PLEKHG2: variants seen among roughly 807,000 people sequenced by gnomAD.
PLEKHG2 encodes the protein pleckstrin homology and RhoGEF domain containing G2, also known as pleckstrin homology domain-containing family G member 2.
A neutral mutation model predicts 104.4 loss-of-function variants in PLEKHG2; 71 were observed. The observed-to-expected ratio is 0.68, with a 90% CI of 0.56 to 0.83. PLEKHG2 has a LOEUF of 0.83. Ranked by LOEUF, PLEKHG2 falls within the 40% of genes least tolerant of loss-of-function variation. PLEKHG2 has a pLI of 0.00. For missense variants in PLEKHG2, 1,730 were observed against 1,809.4 expected, an observed-to-expected ratio of 0.96 and a Z score of 0.80; for synonymous variants, 728 against 737.0, an observed-to-expected ratio of 0.99 and a Z score of 0.20.
In PLEKHG2 at chr19:39,417,654, G is replaced by C. The variant is rs756302976; in HGVS notation, c.844G>C (p.Asp282His). The C allele has an allele frequency of 1.9e-6, 3 of 1,612,152 alleles. No homozygotes were observed. Among genetic ancestry groups the C allele is most frequent in the Non-Finnish European group, 2.5e-6 (3 of 1,179,232 alleles). Residue 282 changes from aspartate to histidine, a missense_variant, in exon 8 of 19, where the codon GAC (aspartate) becomes CAC (histidine). Physicochemically the swap from Asp to His is moderately conservative, Grantham distance 81. Coordinates refer to ENST00000425673, the MANE Select transcript of PLEKHG2 (RefSeq NM_022835.3). ...GACAGCGGTTGCCTGGTACATCAAC[G>C]ACATGAAGCGCAAGCAGGAGCATGC... ...SMTAVAWYINDMKRKQEHAAR... is the reference protein window; with the variant it reads ...SMTAVAWYINHMKRKQEHAAR...
rs561567514 is a variant in PLEKHG2, at chr19:39,425,667, G to A, written c.*373G>A. 6 of 360,810 alleles carry A rather than the reference G, an allele frequency of 1.7e-5. No homozygotes were observed. Among genetic ancestry groups the A allele is most frequent in the South Asian group, 1.3e-4 (1 of 7,808 alleles). 22.4% of individuals were successfully genotyped at this position (360,810 alleles called of 1,614,324 possible). ...GAAAATGGACCCACTATAACTTGGC[G>A]TGTGTGTGAACTGCTTGATGCCCAT... On this transcript the variant is annotated 3_prime_UTR_variant, in exon 19 of 19. Transcript: ENST00000425673.
At position 39,416,207 on chromosome 19, in the gene PLEKHG2, G is replaced by A. The variant is rs1453325884; in HGVS notation, c.480-141G>A. On this transcript the variant is annotated intron_variant, in intron 4 of 18. Transcript: ENST00000425673. This position sits in a 1 kb window ranked among gnomAD's most constrained non-coding sequence, Gnocchi z 4.5. ...GTAGCCCTCAGAGGACCCTTCCTCC[G>A]GACATGACATCCCCTTAGGAGATGC... The A allele has an allele frequency of 1.2e-5, 10 of 804,450 alleles. No individual in the cohort carries two copies. The highest frequency in any genetic ancestry group is 2.4e-5 in the East Asian group (1 of 40,996). 49.8% of individuals were successfully genotyped at this position (804,450 alleles called of 1,614,324 possible). A position where few individuals can be genotyped will look rare whatever the true frequency, so the allele number is the denominator to read the frequency against.
At chr19:39,417,797 G>T in intron 8 of PLEKHG2, 105 bp downstream of exon 8, 1 of 1,506,784 alleles carries the variant, frequency 6.6e-7, no homozygotes, top group Non-Finnish European at 8.9e-7. Flanking sequence ...TGGAGGGTTG[G>T]CTGGGACAGC....
At position 39,415,507 on chromosome 19, in the gene PLEKHG2, C is replaced by T. The variant is rs771772777; in HGVS notation, c.479+68C>T. On this transcript the variant is annotated intron_variant, in intron 4 of 18. Transcript: ENST00000425673. This position sits in a 1 kb window ranked among gnomAD's most constrained non-coding sequence, Gnocchi z 4.6. ...AGGGTCTATTTCCTAATCCAAACCTCGGAGCTTCGTAGTGTCCTGTCCAGG... is the reference window on the plus strand; with the variant it reads ...AGGGTCTATTTCCTAATCCAAACCTTGGAGCTTCGTAGTGTCCTGTCCAGG... 44 of 1,539,626 alleles carry T rather than the reference C, an allele frequency of 2.9e-5. No homozygotes were observed. The highest frequency in any genetic ancestry group is 1.9e-4 in the Middle Eastern group (1 of 5,210).
rs1302402560 is a variant in PLEKHG2 at position 39,422,243 on chromosome 19, A to G, written c.1632A>G (p.Glu544=). The G allele has an allele frequency of 6.2e-7, 1 of 1,613,636 alleles. No individual in the cohort carries two copies. Among genetic ancestry groups the G allele is most frequent in the Non-Finnish European group, 8.5e-7 (1 of 1,179,866 alleles). The change falls in exon 17 of 19, where the codon GAA becomes GAG. Residue 544 remains glutamate (E), a synonymous_variant. Transcript: ENST00000425673. ...ACCCCTCTGGGACCTCAATCACTGA[A>G]GAAATCCTGGAACTGCTGAATCAGC... ...TLDPSGTSIT[E]EILELLNQRG...
rs2078559658 is a variant in PLEKHG2, at chr19:39,413,916, T to C, written c.-22-149T>C. 1.8e-6 allele frequency: 1 copy of C among 551,074 alleles called. No individual in the cohort carries two copies. The highest frequency in any genetic ancestry group is 3.3e-6 in the Non-Finnish European group (1 of 305,278). The allele number at this position is 551,074 out of a possible 1,614,324, so 34.1% of individuals were successfully genotyped here. A position where few individuals can be genotyped will look rare whatever the true frequency, so the allele number is the denominator to read the frequency against. ...GGTTCTCTCTCCTTGTCCCCTTCTT[T>C]CTGTCACTTTGTGCCTCCCCCATTA... On this transcript the variant is annotated intron_variant, in intron 1 of 18. Transcript: ENST00000425673. This position sits in a 1 kb window ranked among gnomAD's most constrained non-coding sequence, Gnocchi z 4.5.
In PLEKHG2 at chr19:39,423,751, G is replaced by A. The variant is rs747123739; in HGVS notation, c.2618G>A (p.Gly873Glu). 1 of 1,611,792 alleles carries A rather than the reference G, an allele frequency of 6.2e-7. No homozygotes were observed. The change falls in exon 19 of 19, where the codon GGA becomes GAA. Residue 873 changes from glycine (G) to glutamate (E), a missense_variant. By Grantham distance (98) the Gly-to-Glu change is moderately conservative. Coordinates refer to ENST00000425673, the MANE Select transcript of PLEKHG2 (RefSeq NM_022835.3). ...QAEPGLLPAF[G>E]HVLVCELAFP... is the part of the protein sequence containing the mutation. Reference sequence around the variant, plus strand: ...CATTCAGGGCTCCTGCCTGCCTTTGGACACGTGCTGGTATGTGAGCTGGCC... The same window carrying A: ...CATTCAGGGCTCCTGCCTGCCTTTGAACACGTGCTGGTATGTGAGCTGGCC...
In PLEKHG2 at chr19:39,427,060, C is replaced by T. The variant is rs1224685584; in HGVS notation, c.*1766C>T. The T allele has an allele frequency of 6.6e-6, 1 of 152,256 alleles. No homozygotes were observed. The highest frequency in any genetic ancestry group is 1.5e-5 in the Non-Finnish European group (1 of 68,192). 9.4% of individuals were successfully genotyped at this position (152,256 alleles called of 1,614,324 possible). The stretch of plus-strand genomic sequence containing the variant: ...TTTGTTTTTGAGACAGAGTCTCGCT[C>T]TGTTGCCCAGGCTGGAGTACAGTGG... On this transcript the variant is annotated 3_prime_UTR_variant, in exon 19 of 19. Coordinates refer to ENST00000425673, the MANE Select transcript of PLEKHG2 (RefSeq NM_022835.3).
At position 39,417,018 on chromosome 19, in the gene PLEKHG2, G is replaced by A. The variant is rs368796640; in HGVS notation, c.744+18G>A. 69 of 1,586,284 alleles carry A rather than the reference G, an allele frequency of 4.3e-5. No individual in the cohort carries two copies. The Middle Eastern group carries it at 5.0e-4, about 12-fold the overall frequency. On this transcript the variant is annotated intron_variant, in intron 7 of 18. Coordinates refer to ENST00000425673, the MANE Select transcript of PLEKHG2 (RefSeq NM_022835.3). ...TGCTGCAGGTCAGCTGGGGCCCCTGGAGCCAGGCTGGGGAGGGGGAGGTCC... is the reference window on the plus strand; with the variant it reads ...TGCTGCAGGTCAGCTGGGGCCCCTGAAGCCAGGCTGGGGAGGGGGAGGTCC...
rs977299124 is a variant in PLEKHG2 at position 39,416,943 on chromosome 19, G to A, written c.687G>A (p.Leu229=). 6.2e-7 allele frequency: 1 copy of A among 1,613,444 alleles called. No individual in the cohort carries two copies. The highest frequency in any genetic ancestry group is 8.5e-7 in the Non-Finnish European group (1 of 1,179,934). The change falls in exon 7 of 19, where the codon CTG becomes CTA. Residue 229 remains leucine, a synonymous_variant. Coordinates refer to ENST00000425673, the MANE Select transcript of PLEKHG2 (RefSeq NM_022835.3). The surrounding 1 kb of genome is among the most constrained non-coding windows in gnomAD (Gnocchi z 4.5). ...RQAQLRHSLP[L]QSFLLKPVQR... is the part of the protein sequence containing the mutation. ...CCCAGCTTCGCCACTCGCTGCCCCT[G>A]CAGAGCTTCCTGCTGAAACCTGTCC...
rs1291965438 is a variant in PLEKHG2 at position 39,419,053 on chromosome 19, CCCCCAATAGTACTAAGAGACGCCCCTG to C, written c.1263+54_1263+80del. On this transcript the variant is annotated intron_variant, in intron 11 of 18. Transcript: ENST00000425673. ...GCCCTCTGAGTGCTGGAGACACCCT[CCCCCAATAGTACTAAGAGACGCCCCTG>C]CCCAATGCCAGAGCAGTCTGTTATA... is the stretch of plus-strand genomic sequence containing the variant. 10 of 1,505,724 alleles carry C rather than the reference CCCCCAATAGTACTAAGAGACGCCCCTG, an allele frequency of 6.6e-6. No individual in the cohort carries two copies. In the African/African-American group the frequency reaches 1.4e-4, roughly 21 times the overall value. The allele number at this position is 1,505,724 out of a possible 1,614,324, so 93.3% of individuals were successfully genotyped here.
intron 13 of PLEKHG2, 22 bp from the exon 14 acceptor site, chr19:39,420,927 G>A (rs780952501): frequency 6.2e-7 from 1 of 1,613,990 alleles, no homozygotes; most frequent in East Asian, 2.2e-5. Flanking sequence ...CTCACACAGG[G>A]CTCTGGCCCT....
At position 39,421,072 on chromosome 19, in the gene PLEKHG2, C is replaced by A. The variant is rs1257423286; in HGVS notation, c.1448-3C>A. On this transcript the variant is annotated splice_polypyrimidine_tract_variant and splice_region_variant and intron_variant, in intron 14 of 18. Transcript: ENST00000425673. The stretch of plus-strand genomic sequence containing the variant: ...TCCTGACATCACTGTGTCCTCCCCG[C>A]AGAGCCGGTGAAGGACCCTTATGTC... 4 of 1,614,062 alleles carry A rather than the reference C, an allele frequency of 2.5e-6. No homozygotes were observed. In the South Asian group the frequency reaches 4.4e-5, roughly 18 times the overall value.
At chr19:39,420,145 A>G (rs1262257877) in intron 11 of PLEKHG2, among the ~76,000 whole-genome samples, 1 of 152,126 alleles carries the variant, frequency 6.6e-6, no homozygotes, top group African/African-American at 2.4e-5. Context: ...GGATCACCTG[A>G]GGTTAGGAGT....
intron 11 of PLEKHG2, among the ~76,000 whole-genome samples, chr19:39,419,645 A>G (rs2078665335): frequency 6.6e-6 from 1 of 152,170 alleles, no homozygotes; most frequent in Non-Finnish European, 1.5e-5. Context: ...TGGGAGGCCG[A>G]GGCGGGCGGA....
Position 39,415,151 on chromosome 19 carries a change from C to T in PLEKHG2, c.269C>T (p.Ser90Phe). The T allele has an allele frequency of 1.9e-6, 3 of 1,599,962 alleles. No homozygotes were observed. Among genetic ancestry groups the T allele is most frequent in the East Asian group, 2.3e-5 (1 of 44,074 alleles). Reference sequence around the variant, plus strand: ...GGGCCTCCCATCCGCCTACATCTCTCTCCGGTGGGGATCCCAGGTTCAGCC... The same window carrying T: ...GGGCCTCCCATCCGCCTACATCTCTTTCCGGTGGGGATCCCAGGTTCAGCC... ...LPGPPIRLHL[S>F]PVGIPGSARP... is the part of the protein sequence containing the mutation. The change falls in exon 3 of 19, where the codon TCT becomes TTT. Residue 90 changes from serine (S) to phenylalanine (F), a missense_variant. By Grantham distance (155) the Ser-to-Phe change is radical. Transcript: ENST00000425673. This position sits in a 1 kb window ranked among gnomAD's most constrained non-coding sequence, Gnocchi z 4.6.
rs928886410 is a variant in PLEKHG2, at chr19:39,416,037, G to A, written c.480-311G>A. ...TTTCCAAGTACCTTGACGAGGTCTC[G>A]GGATTACAGCAGGAACTTAAGATCA... On this transcript the variant is annotated intron_variant, in intron 4 of 18. Transcript: ENST00000425673. This position sits in a 1 kb window ranked among gnomAD's most constrained non-coding sequence, Gnocchi z 4.5. Among the ~76,000 whole-genome samples, 4 of 152,086 alleles carry A rather than the reference G, an allele frequency of 2.6e-5. No individual in the cohort carries two copies. The highest frequency in any genetic ancestry group is 1.9e-4 in the East Asian group (1 of 5,188).
chr19:39,424,316 C>G lies in PLEKHG2; in HGVS notation c.3183C>G (p.Ser1061=). The G allele has an allele frequency of 6.2e-7, 1 of 1,614,170 alleles. No individual in the cohort carries two copies. The highest frequency in any genetic ancestry group is 8.5e-7 in the Non-Finnish European group (1 of 1,180,026). Residue 1061 remains serine (S), a synonymous_variant, in exon 19 of 19, where the codon TCC becomes TCG. Transcript: ENST00000425673. The part of the protein sequence containing the change: ...TNIPLTKQGG[S]RDVQGPDPVC... ...TCCCACTGACAAAGCAAGGAGGTTCCAGGGATGTTCAGGGCCCAGACCCTG... is the reference window on the plus strand; with the variant it reads ...TCCCACTGACAAAGCAAGGAGGTTCGAGGGATGTTCAGGGCCCAGACCCTG...
rs2078734256 is a variant in PLEKHG2 at position 39,423,561 on chromosome 19, C to T, written c.2507C>T (p.Thr836Ile). Residue 836 changes from threonine (T) to isoleucine (I), a missense_variant, in exon 18 of 19, where the codon ACT becomes ATT. By Grantham distance (89) the Thr-to-Ile change is moderately conservative. Transcript: ENST00000425673. ...ERIQQMQRAE[T>I]RASANAPRRR... is the part of the protein sequence containing the mutation. The stretch of plus-strand genomic sequence containing the variant: ...ATCCAGCAGATGCAGCGGGCGGAGA[C>T]TCGGGCATCAGCCAATGCCCCGCGC... The T allele has an allele frequency of 1.3e-6, 2 of 1,540,042 alleles. No homozygotes were observed. Among genetic ancestry groups the T allele is most frequent in the East Asian group, 2.3e-5 (1 of 43,766 alleles).
Sources: allele counts gnomAD v4.1 joint callset (sites outside exome capture counted in the v4.1 genomes callset), GRCh38; gene constraint gnomAD v4.1.1; non-coding constraint Gnocchi (gnomAD v3.1); transcripts MANE v1.5; gene names NCBI Gene and HGNC (gene_info 2026-07-23, HGNC 2026-07-21).